GLRA3: variants seen among roughly 807,000 people sequenced by gnomAD.
GLRA3 encodes the protein glycine receptor subunit alpha-3.
Under a neutral mutation model 60.4 loss-of-function variants are expected in GLRA3, and 44 were observed. The ratio of observed to expected loss-of-function variants is 0.73; its 90% CI spans 0.57 to 0.94. The LOEUF (loss-of-function observed/expected upper bound fraction) is 0.94. Ranked by LOEUF, GLRA3 falls within the 40% of genes least tolerant of loss-of-function variation. GLRA3 has a pLI of 0.00. For synonymous variants in GLRA3, 223 were observed against 192.9 expected (o/e 1.16, Z -1.29); for missense variants, 508 against 564.6 (o/e 0.90, Z 1.02).
At chr4:174,750,931 G>A (rs1193905409) in intron 3 of GLRA3, among the ~76,000 whole-genome samples, 1 of 151,968 alleles carries the variant, frequency 6.6e-6, no homozygotes, top group Non-Finnish European at 1.5e-5. Flanking sequence ...AAATTCTTAG[G>A]GGAAGTTTTC....
At chr4:174,718,959 CTTTTTTTTT>C (rs10656765) in intron 4 of GLRA3, among the ~76,000 whole-genome samples, 2 of 81,064 alleles carry the variant, frequency 2.5e-5, no homozygotes, top group Non-Finnish European at 4.4e-5. Flanking sequence ...AGATTTCGTG[CTTTTTTTTT>C]TTTTTTTTTT....
At chr4:174,728,727 A>G (rs769955675) in intron 3 of GLRA3, 29 bp from the exon 4 acceptor site, 3 of 1,360,892 alleles carry the variant, frequency 2.2e-6, no homozygotes, top group African/African-American at 2.9e-5. Context: ...AGAAAGAAAA[A>G]AAAAAACCCT....
At chr4:174,820,157 A>T (rs1257676728) in intron 1 of GLRA3, among the ~76,000 whole-genome samples, 1 of 152,190 alleles carries the variant, frequency 6.6e-6, no homozygotes, top group Non-Finnish European at 1.5e-5. Flanking sequence ...ACATTTTTAG[A>T]TATTTTTTTC....
chr4:174,696,365 A>G (rs908448818), intron 5 of GLRA3, among the ~76,000 whole-genome samples: 6 of 151,322 alleles, frequency 4.0e-5, no homozygotes, highest in Non-Finnish European at 5.9e-5. Flanking sequence ...AAGAAAAACA[A>G]ATTTTATTAT....
At chr4:174,666,287 A>T (rs1244399718) in intron 7 of GLRA3, among the ~76,000 whole-genome samples, 1 of 152,150 alleles carries the variant, frequency 6.6e-6, no homozygotes, top group African/African-American at 2.4e-5. Context: ...TTGATCCTAA[A>T]ATCTGACAGT....
intron 2 of GLRA3, among the ~76,000 whole-genome samples, chr4:174,769,397 A>G (rs1738294357): frequency 6.6e-6 from 1 of 152,100 alleles, no homozygotes. Flanking sequence ...TGTTATGCTT[A>G]CTTTTTCCTT....
At chr4:174,666,838 T>C (rs927805911) in intron 7 of GLRA3, among the ~76,000 whole-genome samples, 2 of 150,666 alleles carry the variant, frequency 1.3e-5, no homozygotes, top group Non-Finnish European at 3.0e-5. Flanking sequence ...CAAGTCACTT[T>C]GGCTCTGAGA....
chr4:174,645,411 C>T (rs1732774856), intron 9 of GLRA3, among the ~76,000 whole-genome samples: 1 of 133,412 alleles, frequency 7.5e-6, no homozygotes, highest in African/African-American at 3.2e-5. Context: ...CAGAGTGAGA[C>T]TCCGTCTCCA....
intron 8 of GLRA3, among the ~76,000 whole-genome samples, chr4:174,658,448 C>T (rs1733296560): frequency 6.6e-6 from 1 of 152,154 alleles, no homozygotes; most frequent in South Asian, 2.1e-4. Flanking sequence ...TCTGCAACTT[C>T]CTACGGTGTC....
chr4:174,678,593 C>A (rs1466743843), intron 6 of GLRA3, among the ~76,000 whole-genome samples: 1 of 152,156 alleles, frequency 6.6e-6, no homozygotes, highest in East Asian at 1.9e-4. Flanking sequence ...TCTGGATGAA[C>A]CCATGCATGT....
At chr4:174,762,215 G>A (rs980544952) in intron 3 of GLRA3, among the ~76,000 whole-genome samples, 7 of 152,090 alleles carry the variant, frequency 4.6e-5, no homozygotes, top group African/African-American at 1.7e-4. Flanking sequence ...GACTTTTAAT[G>A]TCATCGTGGG....
intron 6 of GLRA3, among the ~76,000 whole-genome samples, chr4:174,678,504 T>C (rs547307984): frequency 6.6e-6 from 1 of 152,322 alleles, no homozygotes; most frequent in East Asian, 1.9e-4. Flanking sequence ...GTCCTATTGC[T>C]AGGTAGGGCT....
intron 1 of GLRA3, among the ~76,000 whole-genome samples, chr4:174,801,877 A>G (rs934206918): frequency 6.6e-6 from 1 of 151,970 alleles, no homozygotes; most frequent in Non-Finnish European, 1.5e-5. Flanking sequence ...TGCAATTGTA[A>G]CTGTCAATTT....
intron 7 of GLRA3, among the ~76,000 whole-genome samples, chr4:174,660,022 A>G (rs1196502433): frequency 6.6e-6 from 1 of 151,506 alleles, no homozygotes; most frequent in Non-Finnish European, 1.5e-5. Flanking sequence ...AGTCGTTAAT[A>G]TTTAACTACA....
At chr4:174,791,808 G>T (rs1237900609) in intron 1 of GLRA3, among the ~76,000 whole-genome samples, 1 of 152,086 alleles carries the variant, frequency 6.6e-6, no homozygotes, top group Non-Finnish European at 1.5e-5. Flanking sequence ...GTAATATACT[G>T]TGGCGACTAT....
At chr4:174,743,399 C>CT (rs1166302222) in intron 3 of GLRA3, among the ~76,000 whole-genome samples, 2 of 150,958 alleles carry the variant, frequency 1.3e-5, no homozygotes, top group African/African-American at 4.9e-5. Flanking sequence ...TCTTTTTTTT[C>CT]TTTTTTCATT....
At chr4:174,748,503 T>C (rs1045823427) in intron 3 of GLRA3, among the ~76,000 whole-genome samples, 2 of 152,030 alleles carry the variant, frequency 1.3e-5, no homozygotes, top group Non-Finnish European at 2.9e-5. Flanking sequence ...AATCAAAACA[T>C]TAAAGGGAGA....
At chr4:174,756,705 C>T (rs1185650799) in intron 3 of GLRA3, among the ~76,000 whole-genome samples, 1 of 147,442 alleles carries the variant, frequency 6.8e-6, no homozygotes, top group East Asian at 2.0e-4. Flanking sequence ...AGTGCAGTGG[C>T]GCGATCTCAG....
chr4:174,825,319 C>T (rs1484593102), intron 1 of GLRA3, among the ~76,000 whole-genome samples: 5 of 152,056 alleles, frequency 3.3e-5, no homozygotes, highest in Non-Finnish European at 5.9e-5. Flanking sequence ...TCCTCCAAAA[C>T]ATACCAAAAG....
Sources: gnomAD v4.1 joint callset for allele counts (sites outside exome capture counted in the v4.1 genomes callset) on GRCh38, gnomAD v4.1.1 for gene constraint, MANE v1.5 for transcripts, NCBI Gene and HGNC (gene_info 2026-07-23, HGNC 2026-07-21) for gene names.